Variants in ITK observed in about 807,000 individuals in gnomAD.
The protein encoded by ITK is tyrosine-protein kinase ITK/TSK.
A neutral mutation model predicts 87.6 loss-of-function variants in ITK; 45 were observed. The observed-to-expected ratio is 0.51, with a 90% CI of 0.40 to 0.66. The LOEUF is 0.66. Ranked by LOEUF, ITK falls within the 30% of genes least tolerant of loss-of-function variation. ITK has a pLI of 0.00. For synonymous variants in ITK, 303 were observed against 273.6 expected (o/e 1.11, Z -1.06); for missense variants, 605 against 766.3 (o/e 0.79, Z 2.48).
chr5:157,201,860 G>T (rs1467125134), intron 1 of ITK, among the ~76,000 whole-genome samples: 1 of 151,992 alleles, frequency 6.6e-6, no homozygotes, highest in Non-Finnish European at 1.5e-5. Context: ...TTTTATTTTA[G>T]GTTCAGAGGT....
chr5:157,208,765 T>C, intron 1 of ITK, 124 bp from the exon 2 acceptor site: 1 of 727,826 alleles, frequency 1.4e-6, no homozygotes. Flanking sequence ...GGATATTTGG[T>C]TTGGAGGGTT....
Position 157,241,667 on chromosome 5 carries a change from A to T in ITK, c.1007A>T (p.Tyr336Phe). The T allele has an allele frequency of 6.2e-7, 1 of 1,613,980 alleles. No individual in the cohort carries two copies. The highest frequency in any genetic ancestry group is 8.5e-7 in the Non-Finnish European group (1 of 1,179,896). Residue 336 changes from tyrosine (Y) to phenylalanine (F), a missense_variant, in exon 11 of 17, where the codon TAT becomes TTT. This residue lies in a region of ITK where 464 missense variants were observed against 578.0 expected (regional missense o/e 0.80). Coordinates refer to ENST00000422843, the MANE Select transcript of ITK (RefSeq NM_005546.4). Reference protein sequence around the residue: ...NGGGLVTRLRYPVCFGRQKAP... With the variant: ...NGGGLVTRLRFPVCFGRQKAP... ...CCAGGCCTGGTGACTCGACTCCGGTATCCAGTTTGTTTTGGGAGGCAGAAA... is the reference window on the plus strand; with the variant it reads ...CCAGGCCTGGTGACTCGACTCCGGTTTCCAGTTTGTTTTGGGAGGCAGAAA...
At chr5:157,218,967 T>C (rs756047374) in intron 5 of ITK, among the ~76,000 whole-genome samples, 11 of 151,928 alleles carry the variant, frequency 7.2e-5, no homozygotes, top group Non-Finnish European at 1.5e-4. Context: ...GACTTACAAG[T>C]CTTAGATGGC....
In ITK at chr5:157,244,330, T is replaced by G. The variant is rs1234292410; in HGVS notation, c.1301T>G (p.Val434Gly). Residue 434 changes from valine to glycine, a missense_variant, in exon 13 of 17, where the codon GTG becomes GGG. Transcript: ENST00000422843. The stretch of plus-strand genomic sequence containing the variant: ...CTGGAGCAGGCCCCCATCTGCCTGG[T>G]GTTTGAGTTCATGGAGCACGGCTGC... ...VCLEQAPICL[V>G]FEFMEHGCLS... 1 of 1,614,034 alleles carries G rather than the reference T, an allele frequency of 6.2e-7. No homozygotes were observed. Among genetic ancestry groups the G allele is most frequent in the East Asian group, 2.2e-5 (1 of 44,872 alleles).
At chr5:157,209,103 AG>A in intron 2 of ITK, 110 bp downstream of exon 2, 1 of 765,764 alleles carries the variant, frequency 1.3e-6, no homozygotes, top group Non-Finnish European at 2.3e-6. Flanking sequence ...TGGGAGGTTG[AG>A]GCAGGCAGAT....
chr5:157,206,872 T>C (rs1754088740), intron 1 of ITK, among the ~76,000 whole-genome samples: 1 of 152,158 alleles, frequency 6.6e-6, no homozygotes, highest in South Asian at 2.1e-4. Context: ...ATTTTTTGTG[T>C]CTCAATCTCC....
At chr5:157,232,920 C>T (rs1032073672) in intron 8 of ITK, among the ~76,000 whole-genome samples, 1 of 152,174 alleles carries the variant, frequency 6.6e-6, no homozygotes, top group Non-Finnish European at 1.5e-5. Context: ...GACTCTGATT[C>T]GGCCTGACTC....
intron 15 of ITK, among the ~76,000 whole-genome samples, chr5:157,247,543 G>A (rs1755046610): frequency 1.3e-5 from 2 of 152,238 alleles, no homozygotes; most frequent in Admixed American, 1.3e-4. Flanking sequence ...TTCAGCCAAA[G>A]GGTGTCAGCC....
At chr5:157,245,636 C>T in intron 13 of ITK, 90 bp from the exon 14 acceptor site, 2 of 1,026,246 alleles carry the variant, frequency 1.9e-6, no homozygotes, top group Non-Finnish European at 3.1e-6. Flanking sequence ...TGCAGTAAAG[C>T]AAAGGACTGT....
At chr5:157,181,263 C>T in intron 1 of ITK, 148 bp downstream of exon 1, 1 of 903,680 alleles carries the variant, frequency 1.1e-6, no homozygotes, top group Non-Finnish European at 1.8e-6. Context: ...TAAAAGTAAT[C>T]AGAGGAGAAT....
At chr5:157,185,567 C>A (rs977115547) in intron 1 of ITK, among the ~76,000 whole-genome samples, 1 of 151,678 alleles carries the variant, frequency 6.6e-6, no homozygotes, top group Admixed American at 6.6e-5. Flanking sequence ...TAAGCAAGGC[C>A]AGACACAGAG....
intron 15 of ITK, among the ~76,000 whole-genome samples, chr5:157,247,545 G>T (rs57811210): frequency 1.3e-5 from 2 of 152,208 alleles, no homozygotes; most frequent in East Asian, 3.8e-4. Context: ...CAGCCAAAGG[G>T]TGTCAGCCTG....
chr5:157,241,817 A>C, intron 11 of ITK, 97 bp downstream of exon 11: 1 of 809,284 alleles, frequency 1.2e-6, no homozygotes, highest in Non-Finnish European at 2.1e-6. Flanking sequence ...CTCAGACTAC[A>C]AATCACCATT....
At chr5:157,194,227 C>G (rs555570039) in intron 1 of ITK, among the ~76,000 whole-genome samples, 1 of 152,112 alleles carries the variant, frequency 6.6e-6, no homozygotes, top group East Asian at 1.9e-4. Flanking sequence ...GCCAGTTTCT[C>G]GCTGCGAGTT....
At chr5:157,190,048 T>C (rs1189768938) in intron 1 of ITK, among the ~76,000 whole-genome samples, 1 of 152,164 alleles carries the variant, frequency 6.6e-6, no homozygotes, top group East Asian at 1.9e-4. Context: ...AAAAGTCCCC[T>C]TTTGGATCAA....
intron 16 of ITK, among the ~76,000 whole-genome samples, chr5:157,251,445 G>C (rs1413603657): frequency 6.6e-6 from 1 of 152,054 alleles, no homozygotes; most frequent in African/African-American, 2.4e-5. Flanking sequence ...CTAGTCTGTG[G>C]CATGTCTTCT....
At chr5:157,240,255 C>A in intron 10 of ITK, 60 bp downstream of exon 10, 1 of 1,480,856 alleles carries the variant, frequency 6.8e-7, no homozygotes, top group Non-Finnish European at 9.4e-7. Context: ...AGCAGGTGAG[C>A]AAGCATTACT....
At chr5:157,195,110 A>G (rs1753826714) in intron 1 of ITK, 1 of 152,238 alleles carries the variant, frequency 6.6e-6, no homozygotes, top group African/African-American at 2.4e-5. Context: ...AGCAGGGAAG[A>G]TGGTCAAAAG....
intron 1 of ITK, among the ~76,000 whole-genome samples, chr5:157,187,918 A>G (rs764459289): frequency 3.3e-5 from 5 of 150,726 alleles, no homozygotes; most frequent in Non-Finnish European, 7.4e-5. Context: ...TTCTGCCTCA[A>G]CCTCCTGAGT....
Sources: gnomAD v4.1 joint callset for allele counts (sites outside exome capture counted in the v4.1 genomes callset) on GRCh38, gnomAD v4.1.1 for gene constraint, gnomAD v4.1.1 regional missense constraint, MANE v1.5 for transcripts, NCBI Gene and HGNC (gene_info 2026-07-23, HGNC 2026-07-21) for gene names.